The following FSTL5 variants were observed in gnomAD, a reference collection of about 807,000 sequenced individuals.
FSTL5 encodes the protein follistatin-related protein 5.
In FSTL5, 62 loss-of-function variants were observed where a neutral mutation model predicts 89.1. That is an observed-to-expected ratio of 0.70 (90% CI 0.57 to 0.86). The LOEUF is 0.86. FSTL5 is among the 40% of genes least tolerant of loss of function. The probability of loss-of-function intolerance (pLI) is 0.00; values close to 1 mark genes in which losing one functional copy is unlikely to be tolerated. For missense variants in FSTL5, 1,057 were observed against 1,001.6 expected (o/e 1.06, Z -0.75); for synonymous variants, 383 against 346.2 (o/e 1.11, Z -1.18).
intron 2 of FSTL5, among the ~76,000 whole-genome samples, chr4:162,102,241 C>G (rs1003735439): frequency 1.3e-5 from 2 of 151,862 alleles, no homozygotes; most frequent in African/African-American, 2.4e-5. Flanking sequence ...TCACCTGTGT[C>G]CTAATATTCT....
At chr4:161,578,163 G>C (rs1327781984) in intron 8 of FSTL5, among the ~76,000 whole-genome samples, 2 of 151,980 alleles carry the variant, frequency 1.3e-5, no homozygotes, top group Middle Eastern at 3.4e-3. Context: ...ATAAATTTCA[G>C]ACATGATAAA....
chr4:161,511,216 AC>A (rs1730641893), intron 10 of FSTL5, among the ~76,000 whole-genome samples: 1 of 152,164 alleles, frequency 6.6e-6, no homozygotes, highest in Non-Finnish European at 1.5e-5. Context: ...CACAGCAATT[AC>A]TTCCAGTATT....
chr4:161,912,391 G>A (rs193115566), intron 4 of FSTL5, among the ~76,000 whole-genome samples: 3 of 152,274 alleles, frequency 2.0e-5, no homozygotes, highest in East Asian at 3.9e-4. Flanking sequence ...GGACCCAGCA[G>A]GAGGTAATTG....
intron 8 of FSTL5, among the ~76,000 whole-genome samples, chr4:161,552,057 A>C (rs952326697): frequency 6.6e-6 from 1 of 151,876 alleles, no homozygotes; most frequent in Non-Finnish European, 1.5e-5. Flanking sequence ...GCAACCTACA[A>C]AATGGGAGAA....
chr4:161,476,896 G>T (rs554530379), intron 13 of FSTL5, among the ~76,000 whole-genome samples: 2 of 152,262 alleles, frequency 1.3e-5, no homozygotes, highest in South Asian at 4.1e-4. Flanking sequence ...GTAAAGGACA[G>T]CATCATTTTT....
At chr4:161,784,306 A>T (rs1741800964) in intron 4 of FSTL5, among the ~76,000 whole-genome samples, 1 of 152,100 alleles carries the variant, frequency 6.6e-6, no homozygotes, top group South Asian at 2.1e-4. Flanking sequence ...CTTTACAGAC[A>T]TTGTTAATTT....
At chr4:161,559,974 A>G (rs7694615) in intron 8 of FSTL5, among the ~76,000 whole-genome samples, 76,671 of 151,610 alleles carry the variant, frequency 0.51, 19,519 homozygotes, top group Middle Eastern at 0.6. Context: ...GGCCACATGC[A>G]ACCCAAGACA....
At chr4:161,789,181 T>C (rs1054528045) in intron 4 of FSTL5, among the ~76,000 whole-genome samples, 1 of 152,148 alleles carries the variant, frequency 6.6e-6, no homozygotes, top group African/African-American at 2.4e-5. Flanking sequence ...TACTTTTTTT[T>C]CCTCTTAGGC....
At chr4:162,074,640 C>T (rs1234466983) in intron 2 of FSTL5, among the ~76,000 whole-genome samples, 1 of 151,662 alleles carries the variant, frequency 6.6e-6, no homozygotes, top group Non-Finnish European at 1.5e-5. Context: ...TCTATTACTT[C>T]AATTTACAAA....
chr4:162,055,538 GA>G (rs1738514060), intron 2 of FSTL5, among the ~76,000 whole-genome samples: 3 of 151,048 alleles, frequency 2.0e-5, no homozygotes, highest in Non-Finnish European at 3.0e-5. Context: ...TAGATAGATA[GA>G]TAGATAGATA....
At chr4:161,537,312 A>T (rs1248238901) in intron 10 of FSTL5, among the ~76,000 whole-genome samples, 1 of 152,188 alleles carries the variant, frequency 6.6e-6, no homozygotes, top group Non-Finnish European at 1.5e-5. Context: ...CAGCGTAACA[A>T]GTAGGATTGA....
At chr4:161,789,698 A>T (rs1446201784) in intron 4 of FSTL5, among the ~76,000 whole-genome samples, 1 of 152,146 alleles carries the variant, frequency 6.6e-6, no homozygotes, top group Non-Finnish European at 1.5e-5. Flanking sequence ...TCATGATTTT[A>T]CCTTAAAAAT....
At chr4:161,400,706 T>C (rs1384080075) in intron 15 of FSTL5, among the ~76,000 whole-genome samples, 3 of 152,238 alleles carry the variant, frequency 2.0e-5, no homozygotes, top group Non-Finnish European at 2.9e-5. Context: ...ACCTATTGTA[T>C]AATATCATCA....
At chr4:161,409,776 A>G (rs1214825703) in intron 15 of FSTL5, among the ~76,000 whole-genome samples, 1 of 152,220 alleles carries the variant, frequency 6.6e-6, no homozygotes, top group Non-Finnish European at 1.5e-5. Flanking sequence ...AAAAGCACAC[A>G]TGAACACATA....
At chr4:162,055,879 A>T (rs1738526435) in intron 2 of FSTL5, among the ~76,000 whole-genome samples, 1 of 151,916 alleles carries the variant, frequency 6.6e-6, no homozygotes, top group Admixed American at 6.6e-5. Flanking sequence ...ATGGCACTTG[A>T]ACTTTTATAT....
chr4:161,571,913 G>A (rs1053323421), intron 8 of FSTL5, among the ~76,000 whole-genome samples: 1 of 152,108 alleles, frequency 6.6e-6, no homozygotes, highest in Non-Finnish European at 1.5e-5. Context: ...TCCCCCAAAA[G>A]GCTTCTGAGC....
At chr4:161,418,443 A>G (rs1442896171) in intron 15 of FSTL5, among the ~76,000 whole-genome samples, 1 of 152,204 alleles carries the variant, frequency 6.6e-6, no homozygotes, top group Non-Finnish European at 1.5e-5. Flanking sequence ...TTTTGACTGC[A>G]AGGTGGGAAG....
intron 2 of FSTL5, among the ~76,000 whole-genome samples, chr4:162,079,725 C>T (rs1730013266): frequency 6.6e-6 from 1 of 151,172 alleles, no homozygotes; most frequent in Non-Finnish European, 1.5e-5. Flanking sequence ...TTTAGGAAGG[C>T]TCAATTCACT....
chr4:161,716,346 A>G (rs1489989446), intron 6 of FSTL5, among the ~76,000 whole-genome samples: 1 of 152,074 alleles, frequency 6.6e-6, no homozygotes, highest in Non-Finnish European at 1.5e-5. Flanking sequence ...ACCCTAATGA[A>G]AGCAATTTGG....
Sources: gnomAD v4.1 joint callset for allele counts (sites outside exome capture counted in the v4.1 genomes callset) on GRCh38, gnomAD v4.1.1 for gene constraint, MANE v1.5 for transcripts, NCBI Gene and HGNC (gene_info 2026-07-23, HGNC 2026-07-21) for gene names.